Variants in CACNB4 observed in about 807,000 individuals in gnomAD.
The protein encoded by CACNB4 is voltage-dependent L-type calcium channel subunit beta-4.
In CACNB4, 32 loss-of-function variants were observed where a neutral mutation model predicts 71.2. The ratio of observed to expected loss-of-function variants is 0.45; its 90% confidence interval spans 0.34 to 0.60. The LOEUF (loss-of-function observed/expected upper bound fraction) is 0.60. Ranked by LOEUF, CACNB4 falls within the 20% of genes least tolerant of loss-of-function variation. The pLI, the probability that CACNB4 is intolerant of heterozygous loss-of-function variation, is 0.01. For missense variants in CACNB4, 464 were observed against 647.9 expected, an observed-to-expected ratio of 0.72 and a Z score of 3.08; for synonymous variants, 231 against 236.9, an observed-to-expected ratio of 0.97 and a Z score of 0.23.
intron 2 of CACNB4, among the ~76,000 whole-genome samples, chr2:152,067,222 A>G (rs914042281): frequency 4.6e-5 from 7 of 152,256 alleles, no homozygotes; most frequent in Non-Finnish European, 1.0e-4. Flanking sequence ...CAATGGGGAC[A>G]GAAGCAAATG....
intron 2 of CACNB4, among the ~76,000 whole-genome samples, chr2:151,953,889 T>C (rs1273527836): frequency 1.3e-5 from 2 of 152,214 alleles, no homozygotes; most frequent in Non-Finnish European, 2.9e-5. Flanking sequence ...GACAAACGTG[T>C]TCACCCCACA....
intron 3 of CACNB4, 78 bp from the exon 4 acceptor site, chr2:151,881,000 C>T: frequency 1.5e-6 from 2 of 1,376,078 alleles, no homozygotes; most frequent in Non-Finnish European, 2.0e-6. Flanking sequence ...TCTGATAGTA[C>T]CAGGTAGTGA....
intron 2 of CACNB4, among the ~76,000 whole-genome samples, chr2:152,011,891 T>C (rs1343475520): frequency 6.6e-6 from 1 of 152,194 alleles, no homozygotes; most frequent in African/African-American, 2.4e-5. Context: ...TCTGTAGCTG[T>C]CCTAACTTCA....
In CACNB4 at chr2:152,018,729, G is replaced by A. The variant is rs962537227; in HGVS notation, c.147+79601C>T. On this transcript the variant is annotated intron_variant, in intron 2 of 13. Transcript: ENST00000539935. ...GAGATAGGAGAATCACTTTGAGCCC[G>A]GGAGAGCCAGGCTGCAGTGACCCAT... Among the ~76,000 whole-genome samples, 22 of 151,922 alleles carry A rather than the reference G, an allele frequency of 1.4e-4. 1 individual carries two copies. The Middle Eastern group carries it at 0.014, about 94-fold the overall frequency.
chr2:151,912,791 G>T (rs1286613788), intron 2 of CACNB4, among the ~76,000 whole-genome samples: 1 of 152,184 alleles, frequency 6.6e-6, no homozygotes, highest in Non-Finnish European at 1.5e-5. Flanking sequence ...CACTATTATT[G>T]TGTGGGAGTC....
chr2:151,987,026 T>C (rs1186322526), intron 2 of CACNB4, among the ~76,000 whole-genome samples: 3 of 152,196 alleles, frequency 2.0e-5, no homozygotes, highest in Non-Finnish European at 4.4e-5. Context: ...CAGTGCGCTG[T>C]TGGGTCAAAT....
intron 4 of CACNB4, among the ~76,000 whole-genome samples, chr2:151,878,739 A>G (rs2099847116): frequency 6.6e-6 from 1 of 152,084 alleles, no homozygotes. Flanking sequence ...AGTGTAGTGC[A>G]CTATACTAGA....
At chr2:151,916,803 C>A (rs539897865) in intron 2 of CACNB4, among the ~76,000 whole-genome samples, 1 of 152,338 alleles carries the variant, frequency 6.6e-6, no homozygotes, top group African/African-American at 2.4e-5. Context: ...GGACATTTCA[C>A]AATGTCCAGA....
In CACNB4 at chr2:152,098,286, G is replaced by T. The variant is rs201679653; in HGVS notation, c.147+44C>A. 107 of 1,508,598 alleles carry T rather than the reference G, an allele frequency of 7.1e-5. 1 individual carries two copies. Among genetic ancestry groups the T allele is most frequent in the Admixed American group, 2.9e-4 (17 of 59,578 alleles). 93.5% of individuals were successfully genotyped at this position (1,508,598 alleles called of 1,614,324 possible). On this transcript the variant is annotated intron_variant, in intron 2 of 13. Coordinates refer to ENST00000539935, the MANE Select transcript of CACNB4 (RefSeq NM_000726.5). This position sits in a 1 kb window ranked among gnomAD's most constrained non-coding sequence, Gnocchi z 5.3. ...CGGCTCCAGGACCCCCGCGCCGCGC[G>T]CTCGGCCTCCTCCCCATCCTGGTCT...
intron 2 of CACNB4, among the ~76,000 whole-genome samples, chr2:152,020,376 T>A (rs1041068520): frequency 6.6e-6 from 1 of 152,162 alleles, no homozygotes; most frequent in African/African-American, 2.4e-5. Context: ...AGGCTTCCAA[T>A]TTGGCAATGA....
intron 2 of CACNB4, among the ~76,000 whole-genome samples, chr2:151,902,512 G>A (rs2099853733): frequency 6.6e-6 from 1 of 152,080 alleles, no homozygotes; most frequent in African/African-American, 2.4e-5. Flanking sequence ...GGCTCTTCAC[G>A]ATTATTAGAA....
At position 151,835,241 on chromosome 2, in the gene CACNB4, C is replaced by T. The variant is rs184167912; in HGVS notation, c.*3878G>A. ...TATGATGACTTATTTGTTAAATTAA[C>T]CTTGCCTCATGATAAACTGTGAACC... is the stretch of plus-strand genomic sequence containing the variant. On this transcript the variant is annotated 3_prime_UTR_variant, in exon 14 of 14. Coordinates refer to ENST00000539935, the MANE Select transcript of CACNB4 (RefSeq NM_000726.5). The T allele has an allele frequency of 8.5e-5, 13 of 152,048 alleles. No homozygotes were observed. The highest frequency in any genetic ancestry group is 8.5e-4 in the Admixed American group (13 of 15,272). The allele number at this position is 152,048 out of a possible 1,614,324, so 9.4% of individuals were successfully genotyped here. A position where few individuals can be genotyped will look rare whatever the true frequency, so the allele number is the denominator to read the frequency against.
intron 3 of CACNB4, among the ~76,000 whole-genome samples, chr2:151,881,462 C>A (rs550682405): frequency 3.2e-4 from 49 of 152,320 alleles, no homozygotes; most frequent in South Asian, 2.3e-3. Context: ...TCACAGATCA[C>A]CTTCTCTCTA....
intron 2 of CACNB4, among the ~76,000 whole-genome samples, chr2:152,011,764 A>G (rs543965389): frequency 9.9e-5 from 15 of 152,282 alleles, no homozygotes; most frequent in African/African-American, 3.4e-4. Flanking sequence ...AGAACATCCT[A>G]ATACAGTCAT....
chr2:151,995,049 T>C (rs762550447), intron 2 of CACNB4, among the ~76,000 whole-genome samples: 3 of 152,190 alleles, frequency 2.0e-5, no homozygotes, highest in Non-Finnish European at 2.9e-5. Context: ...TGCAGAAACT[T>C]TGGTTTTTAC....
chr2:151,858,538 G>A (rs1490986384), intron 10 of CACNB4: 3 of 152,162 alleles, frequency 2.0e-5, no homozygotes, highest in Admixed American at 2.0e-4. Context: ...GAAGAAACCT[G>A]TCAGTTTAAT....
intron 2 of CACNB4, among the ~76,000 whole-genome samples, chr2:151,927,082 T>C (rs2099860435): frequency 6.6e-6 from 1 of 152,210 alleles, no homozygotes; most frequent in African/African-American, 2.4e-5. Context: ...CACCAGACCA[T>C]TAAAGGTCTT....
At chr2:151,933,591 T>C (rs533337673) in intron 2 of CACNB4, among the ~76,000 whole-genome samples, 33 of 152,276 alleles carry the variant, frequency 2.2e-4, no homozygotes, top group African/African-American at 7.9e-4. Flanking sequence ...AAGCTGGGTC[T>C]GAGCAACATC....
chr2:152,028,919 C>A lies in CACNB4; in HGVS notation c.147+69411G>T, dbSNP rs576666734. Reference sequence around the variant, plus strand: ...TCCAAGAAAGCTTCATAAAGGATGGCACTTCTGAGTAGCTTTGAAGAAGAA... The same window carrying A: ...TCCAAGAAAGCTTCATAAAGGATGGAACTTCTGAGTAGCTTTGAAGAAGAA... On this transcript the variant is annotated intron_variant, in intron 2 of 13. Coordinates refer to ENST00000539935, the MANE Select transcript of CACNB4 (RefSeq NM_000726.5). 4.6e-5 allele frequency among the ~76,000 whole-genome samples: 7 copies of A among 152,334 alleles called. No individual in the cohort carries two copies. In the South Asian group the frequency reaches 1.4e-3, roughly 32 times the overall value.
Sources: allele counts gnomAD v4.1 joint callset (sites outside exome capture counted in the v4.1 genomes callset), GRCh38; gene constraint gnomAD v4.1.1; non-coding constraint Gnocchi (gnomAD v3.1); transcripts MANE v1.5; gene names NCBI Gene and HGNC (gene_info 2026-07-23, HGNC 2026-07-21).